Variants in ERG observed in about 807,000 individuals in gnomAD.
The protein encoded by ERG is ETS transcription factor ERG.
Under a neutral mutation model 55.3 loss-of-function variants are expected in ERG, and 9 were observed. The observed-to-expected ratio is 0.16, with a 90% CI of 0.10 to 0.28. The LOEUF (loss-of-function observed/expected upper bound fraction) is 0.28, where lower values mean the gene tolerates loss of function less well. Ranked by LOEUF, ERG falls within the 10% of genes least tolerant of loss-of-function variation. ERG has a pLI of 1.00. For missense variants in ERG, 434 were observed against 631.6 expected (o/e 0.69, Z 3.35); for synonymous variants, 223 against 237.3 (o/e 0.94, Z 0.55).
At chr21:38,478,779 G>A (rs903277157) in intron 1 of ERG, among the ~76,000 whole-genome samples, 9 of 152,192 alleles carry the variant, frequency 5.9e-5, no homozygotes, top group Admixed American at 1.3e-4. Context: ...ATAGGATGCC[G>A]TTTTATGAGT....
chr21:38,486,692 C>G (rs976083375), intron 1 of ERG, among the ~76,000 whole-genome samples: 2 of 151,820 alleles, frequency 1.3e-5, no homozygotes, highest in Non-Finnish European at 2.9e-5. Flanking sequence ...CAATAACAGC[C>G]CATAACAGCT....
At chr21:38,442,061 T>A (rs2058846371) in intron 2 of ERG, among the ~76,000 whole-genome samples, 1 of 152,204 alleles carries the variant, frequency 6.6e-6, no homozygotes, top group Non-Finnish European at 1.5e-5. Context: ...AATGTTAGAA[T>A]TCTATGAGCC....
At chr21:38,535,458 A>G (rs1214159830) in intron 2 of ERG, among the ~76,000 whole-genome samples, 1 of 152,238 alleles carries the variant, frequency 6.6e-6, no homozygotes, top group Non-Finnish European at 1.5e-5. Flanking sequence ...AAATTAAAAA[A>G]TAAAAGATTT....
intron 2 of ERG, among the ~76,000 whole-genome samples, chr21:38,563,677 T>C (rs1417524654): frequency 1.3e-5 from 2 of 152,244 alleles, no homozygotes; most frequent in Non-Finnish European, 2.9e-5. Flanking sequence ...TTCAATTCAG[T>C]CAACTCGTAT....
upstream of ERG, chr21:38,498,647 T>A (rs1415505974): frequency 1.6e-5 from 5 of 316,686 alleles, no homozygotes; most frequent in African/African-American, 2.3e-5. The surrounding 1 kb of genome is among the most constrained non-coding windows in gnomAD (Gnocchi z 4.6). Context: ...TTTTTTTTTT[T>A]AATTAAAAAA....
At chr21:38,431,152 G>T (rs1659500081) in intron 2 of ERG, among the ~76,000 whole-genome samples, 1 of 152,144 alleles carries the variant, frequency 6.6e-6, no homozygotes, top group African/African-American at 2.4e-5. Flanking sequence ...AAAAGGACAC[G>T]GCAAAGAATA....
intron 2 of ERG, among the ~76,000 whole-genome samples, chr21:38,534,052 C>A (rs1453232719): frequency 2.0e-5 from 3 of 152,158 alleles, no homozygotes; most frequent in Non-Finnish European, 4.4e-5. Flanking sequence ...CTTATACTTA[C>A]ACTGCAACAA....
At chr21:38,586,034 G>C (rs1209767361), upstream of ERG, among the ~76,000 whole-genome samples, 1 of 151,794 alleles carries the variant, frequency 6.6e-6, no homozygotes, top group Non-Finnish European at 1.5e-5. Context: ...TATCAAAATG[G>C]TTAACAGTCA....
chr21:38,640,726 AG>A (rs1375611861), intron 1 of ERG, among the ~76,000 whole-genome samples: 1 of 152,172 alleles, frequency 6.6e-6, no homozygotes, highest in African/African-American at 2.4e-5. Context: ...ACCCAGTCTC[AG>A]GTACATCTTT....
intron 1 of ERG, among the ~76,000 whole-genome samples, chr21:38,596,056 TG>T (rs34886564): frequency 0.35 from 35,216 of 101,902 alleles, 4,498 homozygotes; most frequent in Middle Eastern, 0.42. Flanking sequence ...GGTGTGGGAT[TG>T]GGGGGGGGGG....
intron 1 of ERG, among the ~76,000 whole-genome samples, chr21:38,605,091 T>C (rs1422175155): frequency 1.3e-5 from 2 of 152,164 alleles, no homozygotes; most frequent in African/African-American, 4.8e-5. Flanking sequence ...GAATTTTCAG[T>C]TTTTCCTACC....
At chr21:38,593,156 G>A (rs779548454) in intron 1 of ERG, among the ~76,000 whole-genome samples, 5 of 152,194 alleles carry the variant, frequency 3.3e-5, no homozygotes, top group Admixed American at 1.3e-4. Context: ...ACACACAGCA[G>A]CAAAACAGCG....
At chr21:38,386,647 G>A (rs1228543221) in intron 9 of ERG, among the ~76,000 whole-genome samples, 1 of 152,164 alleles carries the variant, frequency 6.6e-6, no homozygotes, top group Non-Finnish European at 1.5e-5. Context: ...TAGGGTTTAG[G>A]AAAGCCTAAA....
At chr21:38,536,555 C>T (rs1489696751) in intron 2 of ERG, among the ~76,000 whole-genome samples, 1 of 152,112 alleles carries the variant, frequency 6.6e-6, no homozygotes, top group Non-Finnish European at 1.5e-5. Context: ...CAGCTGTATC[C>T]ACCACTAAAC....
chr21:38,421,380 C>T (rs1330892193), intron 3 of ERG, among the ~76,000 whole-genome samples: 1 of 152,206 alleles, frequency 6.6e-6, no homozygotes, highest in Non-Finnish European at 1.5e-5. Flanking sequence ...ATCGAACCAG[C>T]TTTACGTGTT....
At chr21:38,511,713 G>A (rs1229574724) in intron 2 of ERG, among the ~76,000 whole-genome samples, 1 of 152,132 alleles carries the variant, frequency 6.6e-6, no homozygotes, top group East Asian at 1.9e-4. Context: ...TACAACAGAA[G>A]CACTAAAATG....
intron 2 of ERG, among the ~76,000 whole-genome samples, chr21:38,435,139 C>T (rs1302267243): frequency 6.6e-6 from 1 of 152,114 alleles, no homozygotes; most frequent in Non-Finnish European, 1.5e-5. Flanking sequence ...AGGAGGCTGG[C>T]CCGGGACAAG....
chr21:38,560,735 T>G (rs1291266413), intron 2 of ERG, among the ~76,000 whole-genome samples: 1 of 152,160 alleles, frequency 6.6e-6, no homozygotes, highest in Non-Finnish European at 1.5e-5. Context: ...AAAATAAAAT[T>G]TAATATAATT....
upstream of ERG, among the ~76,000 whole-genome samples, chr21:38,498,711 C>T (rs151182125): frequency 3.9e-4 from 59 of 152,016 alleles, no homozygotes; most frequent in East Asian, 2.5e-3. This position sits in a 1 kb window ranked among gnomAD's most constrained non-coding sequence, Gnocchi z 4.6. Context: ...ACCGGTGTGC[C>T]GCCGTGTGAC....
Sources: gnomAD v4.1 joint callset for allele counts (sites outside exome capture counted in the v4.1 genomes callset) on GRCh38, gnomAD v4.1.1 for gene constraint, Gnocchi (gnomAD v3.1) non-coding constraint, MANE v1.5 for transcripts, NCBI Gene and HGNC (gene_info 2026-07-23, HGNC 2026-07-21) for gene names.